The following PRPSAP1 variants were observed in gnomAD, a reference collection of about 807,000 sequenced individuals.
PRPSAP1 encodes phosphoribosyl pyrophosphate synthetase associated protein 1, also known as phosphoribosyl pyrophosphate synthase-associated protein 1.
In PRPSAP1, 31 loss-of-function variants were observed where a neutral mutation model predicts 39.4. That is an observed-to-expected ratio of 0.79 (90% CI 0.59 to 1.06). PRPSAP1 has a LOEUF of 1.06. PRPSAP1 is among the 50% of genes least tolerant of loss of function. The pLI is 0.00. For missense variants in PRPSAP1, 430 were observed against 511.6 expected (o/e 0.84, Z 1.54); for synonymous variants, 212 against 192.6 (o/e 1.10, Z -0.83).
chr17:76,329,042 G>A, intron 6 of PRPSAP1, 180 bp from the exon 7 acceptor site: 1 of 658,346 alleles, frequency 1.5e-6, no homozygotes. Flanking sequence ...GGGCACGTGA[G>A]TTAGGGTTTG....
At chr17:76,320,087 T>C (rs1207367965) in intron 7 of PRPSAP1, among the ~76,000 whole-genome samples, 1 of 151,854 alleles carries the variant, frequency 6.6e-6, no homozygotes, top group Non-Finnish European at 1.5e-5. Flanking sequence ...CTGGCCAACA[T>C]GGCGAAACCC....
At chr17:76,314,537 T>G (rs967002925) in intron 7 of PRPSAP1, 1 of 152,294 alleles carries the variant, frequency 6.6e-6, no homozygotes, top group Non-Finnish European at 1.5e-5. Context: ...ATTAATGAGA[T>G]GTTTTACACT....
intron 3 of PRPSAP1, among the ~76,000 whole-genome samples, chr17:76,336,884 C>G (rs891610822): frequency 6.6e-6 from 1 of 152,096 alleles, no homozygotes; most frequent in Non-Finnish European, 1.5e-5. Flanking sequence ...GGGGCTTTGT[C>G]ACATTGGCTT....
chr17:76,335,652 C>T (rs1042449317), intron 3 of PRPSAP1, among the ~76,000 whole-genome samples: 2 of 152,134 alleles, frequency 1.3e-5, no homozygotes, highest in Non-Finnish European at 2.9e-5. Flanking sequence ...CCACCACACC[C>T]AGGCTCAAGT....
At chr17:76,330,018 C>G (rs1409220032) in intron 6 of PRPSAP1, 25 bp downstream of exon 6, 2 of 1,607,172 alleles carry the variant, frequency 1.2e-6, no homozygotes, top group Middle Eastern at 1.6e-4. Flanking sequence ...CAGGAGGGAT[C>G]AGGACCCATG....
At chr17:76,345,295 T>A (rs190943237) in intron 2 of PRPSAP1, among the ~76,000 whole-genome samples, 2 of 133,582 alleles carry the variant, frequency 1.5e-5, no homozygotes, top group African/African-American at 5.5e-5. Flanking sequence ...GGTGAAACCC[T>A]GTCTCTACTA....
In PRPSAP1 at chr17:76,330,681, C is replaced by CA; in HGVS notation, c.464-16dup. ...GTGAGTTAAACCTGAAATTTTAAAACAAAAAATTACAAAGTTCACCCCTAC... is the reference window on the plus strand; with the variant it reads ...GTGAGTTAAACCTGAAATTTTAAAACAAAAAAATTACAAAGTTCACCCCTAC... On this transcript the variant is annotated splice_polypyrimidine_tract_variant and intron_variant, in intron 4 of 9. Transcript: ENST00000446526. The CA allele has an allele frequency of 6.5e-7, 1 of 1,543,318 alleles. No homozygotes were observed. The highest frequency in any genetic ancestry group is 8.9e-7 in the Non-Finnish European group (1 of 1,122,898).
At chr17:76,328,118 G>A (rs539536530) in intron 7 of PRPSAP1, among the ~76,000 whole-genome samples, 1 of 149,516 alleles carries the variant, frequency 6.7e-6, no homozygotes, top group Non-Finnish European at 1.5e-5. Context: ...AATCACTTGC[G>A]CCCCGGTCAA....
At chr17:76,315,965 G>A (rs1447523981) in intron 7 of PRPSAP1, among the ~76,000 whole-genome samples, 2 of 151,312 alleles carry the variant, frequency 1.3e-5, no homozygotes, top group Non-Finnish European at 2.9e-5. Context: ...ATCACCTGAG[G>A]TCAGGAGTTC....
rs1403672820 is a variant in PRPSAP1, at chr17:76,309,809, T to G, written c.*1733A>C. 3.3e-5 allele frequency: 5 copies of G among 152,220 alleles called. No homozygotes were observed. The highest frequency in any genetic ancestry group is 7.3e-5 in the Non-Finnish European group (5 of 68,042). 9.4% of individuals were successfully genotyped at this position (152,220 alleles called of 1,614,324 possible). A position where few individuals can be genotyped will look rare whatever the true frequency, so the allele number is the denominator to read the frequency against. On this transcript the variant is annotated 3_prime_UTR_variant, in exon 10 of 10. Coordinates refer to ENST00000446526, the MANE Select transcript of PRPSAP1 (RefSeq NM_002766.3). ...GCAGGAGGTTGAGTCCTGGAACCAA[T>G]CACCCATGGATTGTAAGGAATAACT...
intron 4 of PRPSAP1, among the ~76,000 whole-genome samples, chr17:76,331,238 A>G (rs1285350076): frequency 6.6e-6 from 1 of 152,228 alleles, no homozygotes; most frequent in Non-Finnish European, 1.5e-5. Flanking sequence ...ACATATATAT[A>G]AACACATTGC....
At chr17:76,336,238 G>GACCA (rs2071377069) in intron 3 of PRPSAP1, among the ~76,000 whole-genome samples, 1 of 152,174 alleles carries the variant, frequency 6.6e-6, no homozygotes, top group African/African-American at 2.4e-5. Context: ...AGGAGTTAGA[G>GACCA]ACCAGCCTAA....
At chr17:76,348,203 G>C (rs117479423) in intron 2 of PRPSAP1, among the ~76,000 whole-genome samples, 4,034 of 147,118 alleles carry the variant, frequency 0.027, 98 homozygotes, top group Non-Finnish European at 0.034. Flanking sequence ...GCTGGGCACA[G>C]TGGTCATGCC....
intron 1 of PRPSAP1, among the ~76,000 whole-genome samples, chr17:76,352,377 G>A (rs1224337353): frequency 6.6e-6 from 1 of 152,164 alleles, no homozygotes; most frequent in Non-Finnish European, 1.5e-5. Context: ...CGGGCGCGGT[G>A]GCTGAAGCCT....
At chr17:76,339,617 C>T (rs776208558) in intron 3 of PRPSAP1, among the ~76,000 whole-genome samples, 2 of 151,608 alleles carry the variant, frequency 1.3e-5, no homozygotes, top group Non-Finnish European at 2.9e-5. Context: ...AAGAGACTTG[C>T]GGCTTTTATC....
chr17:76,349,300 G>A (rs539243443), intron 1 of PRPSAP1, among the ~76,000 whole-genome samples: 12 of 144,456 alleles, frequency 8.3e-5, no homozygotes, highest in East Asian at 2.0e-4. Context: ...GCAAAACTCC[G>A]TCTCAAAAAA....
intron 7 of PRPSAP1, among the ~76,000 whole-genome samples, chr17:76,325,185 G>A (rs146467538): frequency 2.6e-5 from 4 of 151,496 alleles, no homozygotes; most frequent in African/African-American, 7.3e-5. Flanking sequence ...CGAGGCGGGC[G>A]GATCATGAGG....
Position 76,330,764 on chromosome 17 carries a change from G to C in PRPSAP1, c.464-98C>G, listed in dbSNP as rs1188585177. 5 of 675,434 alleles carry C rather than the reference G, an allele frequency of 7.4e-6. No individual in the cohort carries two copies. The African/African-American group carries it at 9.1e-5, about 12-fold the overall frequency. The allele number at this position is 675,434 out of a possible 1,614,324, so 41.8% of individuals were successfully genotyped here. On this transcript the variant is annotated intron_variant, in intron 4 of 9. Transcript: ENST00000446526. ...GCTCAACTCCTGCTTCCTACCAGCAGACTGAAGACGGGGTACTGTGATTAA... is the reference window on the plus strand; with the variant it reads ...GCTCAACTCCTGCTTCCTACCAGCACACTGAAGACGGGGTACTGTGATTAA...
At chr17:76,331,304 CT>C (rs2071319992) in intron 4 of PRPSAP1, among the ~76,000 whole-genome samples, 1 of 152,106 alleles carries the variant, frequency 6.6e-6, no homozygotes, top group Non-Finnish European at 1.5e-5. Context: ...ATTACTTGTT[CT>C]TTCCAGAAAC....
Sources: allele counts gnomAD v4.1 joint callset (sites outside exome capture counted in the v4.1 genomes callset), GRCh38; gene constraint gnomAD v4.1.1; transcripts MANE v1.5; gene names NCBI Gene and HGNC (gene_info 2026-07-23, HGNC 2026-07-21).